The following SP140L variants were observed in gnomAD, a reference collection of about 807,000 sequenced individuals.
SP140L encodes the protein SP140 like nuclear body protein.
Under a neutral mutation model 84.3 loss-of-function variants are expected in SP140L, and 64 were observed. That is an observed-to-expected ratio of 0.76 (90% CI 0.62 to 0.94). The LOEUF is 0.94. Among genes scored for constraint, SP140L ranks in the 40% least tolerant of loss-of-function variants. SP140L has a pLI of 0.00. For missense variants in SP140L, 628 were observed against 692.5 expected (o/e 0.91, Z 1.05); for synonymous variants, 242 against 236.9 (o/e 1.02, Z -0.20).
At chr2:230,393,852 A>G (rs1308828017) in intron 13 of SP140L, among the ~76,000 whole-genome samples, 1 of 152,196 alleles carries the variant, frequency 6.6e-6, no homozygotes, top group Non-Finnish European at 1.5e-5. Context: ...TTTTTCATTG[A>G]TGTTATTATT....
intron 15 of SP140L, chr2:230,400,615 A>T: frequency 2.0e-6 from 1 of 510,470 alleles, no homozygotes; most frequent in Non-Finnish European, 3.5e-6. Flanking sequence ...TCTTAGGCGG[A>T]TGGAGGCCTG....
intron 14 of SP140L, 58 bp from the exon 15 acceptor site, chr2:230,400,069 G>C: frequency 1.3e-6 from 2 of 1,584,870 alleles, no homozygotes; most frequent in Non-Finnish European, 1.7e-6. Context: ...ATGCCCAGAG[G>C]GGTGGCCTTC....
chr2:230,354,157 C>T (rs2060447658), intron 2 of SP140L, among the ~76,000 whole-genome samples: 1 of 152,104 alleles, frequency 6.6e-6, no homozygotes, highest in Non-Finnish European at 1.5e-5. Flanking sequence ...TTTCCTTACA[C>T]TAGTCTTTCT....
chr2:230,384,706 G>A (rs1328326628), intron 8 of SP140L, among the ~76,000 whole-genome samples: 1 of 152,114 alleles, frequency 6.6e-6, no homozygotes, highest in Non-Finnish European at 1.5e-5. Flanking sequence ...TGAGGTTGGA[G>A]TTCGAGAACA....
chr2:230,346,532 A>G (rs1575450957), intron 2 of SP140L, among the ~76,000 whole-genome samples: 1 of 151,994 alleles, frequency 6.6e-6, no homozygotes, highest in Non-Finnish European at 1.5e-5. Flanking sequence ...GTTTCACTTG[A>G]TGGTGTCCCA....
chr2:230,352,908 G>A (rs746091001), intron 2 of SP140L, among the ~76,000 whole-genome samples: 2 of 151,458 alleles, frequency 1.3e-5, no homozygotes. Context: ...TTCCTATATT[G>A]TTTTCTATTT....
intron 2 of SP140L, among the ~76,000 whole-genome samples, chr2:230,330,740 C>A (rs376171684): frequency 1.2e-3 from 182 of 152,248 alleles, no homozygotes; most frequent in African/African-American, 4.2e-3. Context: ...TCTTTATCCA[C>A]GGTTTCACTT....
At chr2:230,364,706 T>C (rs1056519945) in intron 5 of SP140L, among the ~76,000 whole-genome samples, 17 of 152,102 alleles carry the variant, frequency 1.1e-4, no homozygotes, top group Admixed American at 1.1e-3. Context: ...ATGGACACCC[T>C]ACTCTTGTTT....
chr2:230,345,202 C>T (rs993620054), intron 2 of SP140L, among the ~76,000 whole-genome samples: 1 of 152,188 alleles, frequency 6.6e-6, no homozygotes, highest in Non-Finnish European at 1.5e-5. Flanking sequence ...AAAATATTTA[C>T]AACTGTTATA....
At chr2:230,327,989 C>T (rs997951501) in intron 1 of SP140L, among the ~76,000 whole-genome samples, 7 of 152,238 alleles carry the variant, frequency 4.6e-5, no homozygotes, top group Non-Finnish European at 1.0e-4. Context: ...TGCCTCTGAC[C>T]AGAAAAGAGA....
chr2:230,354,902 G>GAA (rs1559420421), intron 2 of SP140L, among the ~76,000 whole-genome samples: 73 of 103,532 alleles, frequency 7.1e-4, no homozygotes, highest in African/African-American at 2.1e-3. Flanking sequence ...AGAAAGGAAA[G>GAA]AGAAAGAAGA....
At chr2:230,357,688 A>G in intron 2 of SP140L, 117 bp from the exon 3 acceptor site, 4 of 990,706 alleles carry the variant, frequency 4.0e-6, no homozygotes, top group Non-Finnish European at 6.0e-6. Context: ...ACTGAGGACC[A>G]CCTATTTTAT....
Position 230,385,314 on chromosome 2 carries a change from A to T in SP140L, c.784+10A>T. 6.2e-7 allele frequency: 1 copy of T among 1,613,062 alleles called. No homozygotes were observed. The highest frequency in any genetic ancestry group is 8.5e-7 in the Non-Finnish European group (1 of 1,179,270). ...CTTTCCAAGATTAGGGGTAAGATAA[A>T]GTTGGTACCACTTTTCATTTGCCCT... On this transcript the variant is annotated intron_variant, in intron 9 of 18. Coordinates refer to ENST00000415673, the MANE Select transcript of SP140L (RefSeq NM_138402.6).
In SP140L at chr2:230,400,261, C is replaced by A; in HGVS notation, c.1313+19C>A. The A allele has an allele frequency of 1.2e-6, 2 of 1,611,956 alleles. No homozygotes were observed. The highest frequency in any genetic ancestry group is 1.7e-6 in the Non-Finnish European group (2 of 1,178,100). On this transcript the variant is annotated intron_variant, in intron 15 of 18. Transcript: ENST00000415673. ...GTGAGAAGTAAGTGACATGCAGGCA[C>A]CTCTCTTTCATCCTTTAAGGGACCT...
At chr2:230,328,581 A>C (rs1015307744) in intron 1 of SP140L, among the ~76,000 whole-genome samples, 176 bp from the exon 2 acceptor site, 1 of 152,240 alleles carries the variant, frequency 6.6e-6, no homozygotes, top group Admixed American at 6.5e-5. Flanking sequence ...AAGGACATTT[A>C]GATTGTTTTA....
chr2:230,328,109 G>A (rs1351546047), intron 1 of SP140L, among the ~76,000 whole-genome samples: 2 of 152,122 alleles, frequency 1.3e-5, no homozygotes, highest in Non-Finnish European at 2.9e-5. Context: ...CCAGGCTGGA[G>A]TGCAGTGGCA....
chr2:230,343,109 A>G (rs2060107690), intron 2 of SP140L, among the ~76,000 whole-genome samples: 1 of 117,778 alleles, frequency 8.5e-6, no homozygotes, highest in African/African-American at 3.1e-5. Context: ...TTTTAAGTTC[A>G]GGGGTACATG....
At chr2:230,376,897 C>G (rs781706228) in intron 7 of SP140L, among the ~76,000 whole-genome samples, 2 of 152,054 alleles carry the variant, frequency 1.3e-5, no homozygotes, top group Non-Finnish European at 2.9e-5. Context: ...ATAGGGAACC[C>G]GGAAATAAAC....
At chr2:230,353,563 T>C (rs996324397) in intron 2 of SP140L, among the ~76,000 whole-genome samples, 11 of 152,136 alleles carry the variant, frequency 7.2e-5, no homozygotes, top group Non-Finnish European at 1.5e-4. Context: ...CTTTTTGTTT[T>C]ATTTAAAGTT....
Sources: allele counts gnomAD v4.1 joint callset (sites outside exome capture counted in the v4.1 genomes callset), GRCh38; gene constraint gnomAD v4.1.1; transcripts MANE v1.5; gene names NCBI Gene and HGNC (gene_info 2026-07-23, HGNC 2026-07-21).